Variants in MDFIC observed in about 807,000 individuals in gnomAD.
MDFIC encodes the protein myoD family inhibitor domain-containing protein.
Under a neutral mutation model 23.2 loss-of-function variants are expected in MDFIC, and 17 were observed. That is an observed-to-expected ratio of 0.73 (90% CI 0.50 to 1.10). The LOEUF is 1.10. MDFIC is among the 50% of genes least tolerant of loss of function. The probability of loss-of-function intolerance (pLI) is 0.00; values close to 1 mark genes in which losing one functional copy is unlikely to be tolerated. For missense variants in MDFIC, 356 were observed against 316.6 expected, an observed-to-expected ratio of 1.12 and a Z score of -0.95; for synonymous variants, 120 against 115.2, an observed-to-expected ratio of 1.04 and a Z score of -0.27.
At chr7:115,002,768 C>T (rs1156690791) in intron 4 of MDFIC, among the ~76,000 whole-genome samples, 1 of 152,196 alleles carries the variant, frequency 6.6e-6, no homozygotes, top group African/African-American at 2.4e-5. Context: ...CACCCCATCA[C>T]TGCCCATCTT....
rs531700488 is a variant in MDFIC at position 115,003,069 on chromosome 7, CCAAA to C, written c.494-12616_494-12613del. 2.5e-3 allele frequency among the ~76,000 whole-genome samples: 383 copies of C among 152,272 alleles called. 3 individuals carry two copies. Among genetic ancestry groups the C allele is most frequent in the African/African-American group, 8.9e-3 (368 of 41,544 alleles). Reference sequence around the variant, plus strand: ...TAACACATCGCCAAAATTTCTCTGGCCAAACAGAGTATCTGACACAACCTCCTTG... The same window carrying C: ...TAACACATCGCCAAAATTTCTCTGGCCAGAGTATCTGACACAACCTCCTTG... On this transcript the variant is annotated intron_variant, in intron 4 of 4. Transcript: ENST00000393486.
chr7:115,009,457 C>T (rs1017517183), intron 4 of MDFIC, among the ~76,000 whole-genome samples: 6 of 152,218 alleles, frequency 3.9e-5, no homozygotes, highest in Non-Finnish European at 8.8e-5. Context: ...GTTCCTTTCA[C>T]TTTAATAAAC....
chr7:114,968,306 A>T (rs975628608), intron 3 of MDFIC, among the ~76,000 whole-genome samples: 11 of 152,368 alleles, frequency 7.2e-5, no homozygotes, highest in African/African-American at 2.6e-4. Flanking sequence ...CAAGATTTTA[A>T]TCTCAGGAGA....
chr7:114,925,806 C>T (rs2115674751), intron 2 of MDFIC, among the ~76,000 whole-genome samples: 1 of 152,324 alleles, frequency 6.6e-6, no homozygotes, highest in African/African-American at 2.4e-5. Context: ...ACTAATTAAA[C>T]ACCAATTTTG....
intron 4 of MDFIC, among the ~76,000 whole-genome samples, chr7:115,005,068 G>A (rs1791542717): frequency 6.6e-6 from 1 of 152,176 alleles, no homozygotes; most frequent in African/African-American, 2.4e-5. Flanking sequence ...AAAATACCCT[G>A]TGCTAGATTT....
chr7:114,938,547 T>C (rs1585094507), intron 2 of MDFIC, among the ~76,000 whole-genome samples: 3 of 152,286 alleles, frequency 2.0e-5, no homozygotes, highest in Admixed American at 6.5e-5. Context: ...ATCTCTTAGG[T>C]TGGGCCTGTG....
chr7:115,009,101 G>A (rs1375568052), intron 4 of MDFIC, among the ~76,000 whole-genome samples: 1 of 152,198 alleles, frequency 6.6e-6, no homozygotes, highest in Non-Finnish European at 1.5e-5. Context: ...TTATTGGCCT[G>A]TTAAATGCTA....
intron 3 of MDFIC, among the ~76,000 whole-genome samples, chr7:114,958,721 A>G (rs1792930984): frequency 6.6e-6 from 1 of 152,242 alleles, no homozygotes; most frequent in Non-Finnish European, 1.5e-5. Flanking sequence ...ATTGCACTCT[A>G]GCCTGGGTGA....
Position 114,982,725 on chromosome 7 carries a change from A to G in MDFIC, c.493+2944A>G, listed in dbSNP as rs138325682. On this transcript the variant is annotated intron_variant, in intron 4 of 4. Coordinates refer to ENST00000393486, the MANE Select transcript of MDFIC (RefSeq NM_001166345.3). ...TAAATAAATAAATAAAACACCTGAG[A>G]CTGGGTATTTGATAAAGATCAGAAG... Among the ~76,000 whole-genome samples, 58 of 152,150 alleles carry G rather than the reference A, an allele frequency of 3.8e-4. No homozygotes were observed. In the East Asian group the frequency reaches 5.0e-3, roughly 13 times the overall value.
At position 115,010,596 on chromosome 7, in the gene MDFIC, G is replaced by A. The variant is rs117993676; in HGVS notation, c.494-5092G>A. ...ATCTTGTAAATGCATTTTGGTTTGTGGCTTCTCTAGATGCCTGTTAATAGA... is the reference window on the plus strand; with the variant it reads ...ATCTTGTAAATGCATTTTGGTTTGTAGCTTCTCTAGATGCCTGTTAATAGA... On this transcript the variant is annotated intron_variant, in intron 4 of 4. Transcript: ENST00000393486. Among the ~76,000 whole-genome samples the A allele has an allele frequency of 2.9e-3, 438 of 152,138 alleles. 2 individuals are homozygous for A. Among genetic ancestry groups the A allele is most frequent in the Admixed American group, 5.5e-3 (84 of 15,286 alleles).
At chr7:114,927,426 A>G (rs1792215019) in intron 2 of MDFIC, among the ~76,000 whole-genome samples, 1 of 151,358 alleles carries the variant, frequency 6.6e-6, no homozygotes, top group Non-Finnish European at 1.5e-5. Context: ...TAAACTCTCT[A>G]ATAATCCTCT....
At chr7:114,979,088 A>G (rs971290473) in intron 3 of MDFIC, among the ~76,000 whole-genome samples, 1 of 152,136 alleles carries the variant, frequency 6.6e-6, no homozygotes, top group African/African-American at 2.4e-5. Flanking sequence ...CTTTTATTTG[A>G]AAAGACAATT....
At chr7:114,972,660 C>T (rs909752447) in intron 3 of MDFIC, among the ~76,000 whole-genome samples, 12 of 152,032 alleles carry the variant, frequency 7.9e-5, no homozygotes, top group South Asian at 2.1e-4. Context: ...ACAGGATCTC[C>T]GTCTGTCACT....
In MDFIC at chr7:114,922,272, C is replaced by G; in HGVS notation, c.-472C>G. 4 of 783,448 alleles carry G rather than the reference C, an allele frequency of 5.1e-6. No individual in the cohort carries two copies. Among genetic ancestry groups the G allele is most frequent in the Non-Finnish European group, 6.9e-6 (4 of 579,362 alleles). The allele number at this position is 783,448 out of a possible 1,614,324, so 48.5% of individuals were successfully genotyped here. On this transcript the variant is annotated 5_prime_UTR_variant, in exon 1 of 5. Coordinates refer to ENST00000393486, the MANE Select transcript of MDFIC (RefSeq NM_001166345.3). ...GCTAGCCAAGAGTTCGAGGCCTTCC[C>G]GATCCGGATGTGATGAAAAAGAGCA... is the stretch of plus-strand genomic sequence containing the variant.
At chr7:114,981,518 T>C (rs2115970406) in intron 4 of MDFIC, among the ~76,000 whole-genome samples, 1 of 152,302 alleles carries the variant, frequency 6.6e-6, no homozygotes, top group South Asian at 2.1e-4. Flanking sequence ...TTCTCTTCTC[T>C]CATGCTCACA....
At chr7:114,924,267 T>C (rs1315624832) in intron 2 of MDFIC, among the ~76,000 whole-genome samples, 2 of 152,236 alleles carry the variant, frequency 1.3e-5, no homozygotes, top group African/African-American at 4.8e-5. Context: ...CCACCTTGTA[T>C]TGTCAGCACA....
chr7:114,993,067 G>C (rs1468872410), intron 4 of MDFIC, among the ~76,000 whole-genome samples: 1 of 152,014 alleles, frequency 6.6e-6, no homozygotes, highest in African/African-American at 2.4e-5. Flanking sequence ...ACTTCTTCCT[G>C]GTTTAGTGTT....
chr7:114,971,479 A>G (rs2442082), intron 3 of MDFIC, among the ~76,000 whole-genome samples: 150,010 of 152,258 alleles, frequency 0.99, 73,937 homozygotes, highest in East Asian at 1. Context: ...GACCTCTATC[A>G]GAAAAGCGTT....
intron 2 of MDFIC, among the ~76,000 whole-genome samples, chr7:114,938,809 T>C (rs1368674983): frequency 1.3e-5 from 2 of 152,236 alleles, no homozygotes. Context: ...ACCCTACTAG[T>C]TGAGTTGCAA....
Sources: allele counts gnomAD v4.1 joint callset (sites outside exome capture counted in the v4.1 genomes callset), GRCh38; gene constraint gnomAD v4.1.1; transcripts MANE v1.5; gene names NCBI Gene and HGNC (gene_info 2026-07-23, HGNC 2026-07-21).